TRAPPC6B: variants seen among roughly 807,000 people sequenced by gnomAD.
TRAPPC6B encodes trafficking protein particle complex subunit 6B.
Under a neutral mutation model 24.7 loss-of-function variants are expected in TRAPPC6B, and 27 were observed. The observed-to-expected ratio is 1.09, with a 90% CI of 0.81 to 1.51. The LOEUF is 1.51. TRAPPC6B is among the 40% of genes most tolerant of loss of function. The pLI, the probability that TRAPPC6B is intolerant of heterozygous loss-of-function variation, is 0.00. For synonymous variants in TRAPPC6B, 80 were observed against 66.6 expected (o/e 1.20, Z -0.98); for missense variants, 212 against 190.8 (o/e 1.11, Z -0.66).
At chr14:39,157,672 A>G (rs1203923415) in intron 3 of TRAPPC6B, 4 of 301,248 alleles carry the variant, frequency 1.3e-5, no homozygotes, top group Non-Finnish European at 2.6e-5. Flanking sequence ...TGTCGCCTTT[A>G]CACAGATTAA....
intron 1 of TRAPPC6B, among the ~76,000 whole-genome samples, chr14:39,168,229 A>AG (rs1491372620): frequency 7.2e-4 from 104 of 143,656 alleles, no homozygotes; most frequent in African/African-American, 1.5e-3. Flanking sequence ...AAAAAAAAAA[A>AG]AGAGAGAGAG....
intron 3 of TRAPPC6B, among the ~76,000 whole-genome samples, chr14:39,155,943 T>C (rs1292010622): frequency 1.3e-5 from 2 of 151,840 alleles, no homozygotes; most frequent in South Asian, 2.1e-4. Flanking sequence ...CACATACCAA[T>C]ATGCCTGGTG....
intron 1 of TRAPPC6B, among the ~76,000 whole-genome samples, chr14:39,164,615 T>C (rs942922450): frequency 6.6e-5 from 10 of 152,272 alleles, no homozygotes; most frequent in African/African-American, 2.2e-4. Flanking sequence ...AGGCCAAGGA[T>C]TGCTTGAGCT....
intron 3 of TRAPPC6B, 27 bp from the exon 4 acceptor site, chr14:39,154,321 A>G: frequency 7.2e-7 from 1 of 1,380,250 alleles, no homozygotes; most frequent in Non-Finnish European, 1.0e-6. Flanking sequence ...AAAAAAATCC[A>G]AAGTCAATGT....
chr14:39,165,694 G>A (rs1038963080), intron 1 of TRAPPC6B, among the ~76,000 whole-genome samples: 1 of 152,178 alleles, frequency 6.6e-6, no homozygotes, highest in Non-Finnish European at 1.5e-5. Context: ...CTATTCGAGA[G>A]GCTGATGTGG....
At chr14:39,154,127 T>C in intron 4 of TRAPPC6B, 84 bp downstream of exon 4, 1 of 801,626 alleles carries the variant, frequency 1.2e-6, no homozygotes, top group South Asian at 1.7e-5. Flanking sequence ...TATTTTTAAT[T>C]CAATAGTTTG....
At position 39,169,843 on chromosome 14, in the gene TRAPPC6B, T is replaced by C. The variant is rs182445661; in HGVS notation, c.81+172A>G. ...AAGAGAAAACGATGAAAGATGACGG[T>C]TCAAAGGAGACAACTGACAGGTTCT... On this transcript the variant is annotated intron_variant, in intron 1 of 5. Transcript: ENST00000330149. 3.0e-4 allele frequency among the ~76,000 whole-genome samples: 46 copies of C among 151,906 alleles called. 1 individual carries two copies. The East Asian group carries it at 5.4e-3, about 18-fold the overall frequency.
At chr14:39,163,265 A>T (rs1349869267) in intron 1 of TRAPPC6B, among the ~76,000 whole-genome samples, 1 of 149,756 alleles carries the variant, frequency 6.7e-6, no homozygotes. Flanking sequence ...CAGCTACTCA[A>T]GAGGCTGAGG....
At chr14:39,158,599 C>T (rs371265906) in intron 2 of TRAPPC6B, 197 bp from the exon 3 acceptor site, 6 of 462,108 alleles carry the variant, frequency 1.3e-5, no homozygotes, top group African/African-American at 2.1e-5. Flanking sequence ...CTCATTGCAA[C>T]GTCTACCTCC....
chr14:39,169,012 G>T (rs1359950816), intron 1 of TRAPPC6B, among the ~76,000 whole-genome samples: 1 of 152,052 alleles, frequency 6.6e-6, no homozygotes, highest in Non-Finnish European at 1.5e-5. Context: ...ATTCAGTCTA[G>T]TCCAAAGAAA....
chr14:39,168,603 C>T (rs1341173464), intron 1 of TRAPPC6B, among the ~76,000 whole-genome samples: 3 of 152,116 alleles, frequency 2.0e-5, no homozygotes, highest in East Asian at 1.9e-4. Context: ...ATTATCTTAC[C>T]TCCTTATTTT....
chr14:39,155,733 C>T (rs1373300418), intron 3 of TRAPPC6B, among the ~76,000 whole-genome samples: 1 of 152,042 alleles, frequency 6.6e-6, no homozygotes. Context: ...GACAGGGTTT[C>T]ACCACGTTGG....
chr14:39,169,811 G>A (rs1288606706), intron 1 of TRAPPC6B, among the ~76,000 whole-genome samples: 2 of 152,208 alleles, frequency 1.3e-5, no homozygotes, highest in Non-Finnish European at 2.9e-5. Flanking sequence ...AATAGAAGAA[G>A]ATACGAAAGA....
rs1276063609 is a variant in TRAPPC6B, at chr14:39,163,023, T to C, written c.82-3473A>G. On this transcript the variant is annotated intron_variant, in intron 1 of 5. Coordinates refer to ENST00000330149, the MANE Select transcript of TRAPPC6B (RefSeq NM_001079537.2). ...CACCATCTTAGGCCCATTTTAACCATCTTCTTTAAAAGTGCAACATCATAC... is the reference window on the plus strand; with the variant it reads ...CACCATCTTAGGCCCATTTTAACCACCTTCTTTAAAAGTGCAACATCATAC... Among the ~76,000 whole-genome samples the C allele has an allele frequency of 1.1e-4, 17 of 150,756 alleles. 1 individual carries two copies. Among genetic ancestry groups the C allele is most frequent in the Admixed American group, 8.5e-4 (13 of 15,226 alleles).
At chr14:39,151,119 C>T (rs1405091143) in intron 5 of TRAPPC6B, among the ~76,000 whole-genome samples, 3 of 151,872 alleles carry the variant, frequency 2.0e-5, no homozygotes, top group Admixed American at 6.6e-5. Context: ...GGGCCGGGCG[C>T]GGTGGTTCAT....
At chr14:39,166,033 T>C (rs1341364739) in intron 1 of TRAPPC6B, among the ~76,000 whole-genome samples, 1 of 152,056 alleles carries the variant, frequency 6.6e-6, no homozygotes, top group Non-Finnish European at 1.5e-5. Flanking sequence ...GGAACTCCTG[T>C]CCTTGTGACC....
intron 3 of TRAPPC6B, 103 bp from the exon 4 acceptor site, chr14:39,154,397 A>G (rs886313399): frequency 1.3e-6 from 1 of 757,330 alleles, no homozygotes; most frequent in Non-Finnish European, 2.1e-6. Flanking sequence ...AAGTTATTAA[A>G]AGTCTCCTTC....
chr14:39,153,047 C>G (rs1455234694), intron 4 of TRAPPC6B, among the ~76,000 whole-genome samples: 1 of 151,934 alleles, frequency 6.6e-6, no homozygotes, highest in Non-Finnish European at 1.5e-5. Flanking sequence ...AATCCGAGCA[C>G]TTTGGGAGGC....
rs561997357 is a variant in TRAPPC6B at position 39,157,771 on chromosome 14, G to A, written c.267+514C>T. The A allele has an allele frequency of 1.7e-5, 4 of 238,472 alleles. No homozygotes were observed. In the South Asian group the frequency reaches 1.9e-4, roughly 11 times the overall value. The allele number at this position is 238,472 out of a possible 1,614,324, so 14.8% of individuals were successfully genotyped here. A position where few individuals can be genotyped will look rare whatever the true frequency, so the allele number is the denominator to read the frequency against. On this transcript the variant is annotated intron_variant, in intron 3 of 5. Coordinates refer to ENST00000330149, the MANE Select transcript of TRAPPC6B (RefSeq NM_001079537.2). ...AAACGAAATCCACTGTCACTGGGGA[G>A]GCAATGTCCTGGGTCTCAAGTCTGT...
Sources: allele counts gnomAD v4.1 joint callset (sites outside exome capture counted in the v4.1 genomes callset), GRCh38; gene constraint gnomAD v4.1.1; transcripts MANE v1.5; gene names NCBI Gene and HGNC (gene_info 2026-07-23, HGNC 2026-07-21).